The following PPP1R3D variants were observed in gnomAD, a reference collection of about 807,000 sequenced individuals.
The protein encoded by PPP1R3D is PP1 subunit R6.
A neutral mutation model predicts 16.3 loss-of-function variants in PPP1R3D; 27 were observed. The observed-to-expected ratio is 1.66, with a 90% CI of 1.22 to 2.29. The LOEUF (loss-of-function observed/expected upper bound fraction) is 2.29. Among genes scored for constraint, PPP1R3D ranks in the 30% most tolerant of loss-of-function variants. PPP1R3D has a pLI of 0.00. For missense variants in PPP1R3D, 472 were observed against 438.3 expected (o/e 1.08, Z -0.69); for synonymous variants, 223 against 209.7 (o/e 1.06, Z -0.55).
In PPP1R3D at chr20:59,937,592, T is replaced by C. The variant is rs1212074616; in HGVS notation, c.*1440A>G. On this transcript the variant is annotated 3_prime_UTR_variant, in exon 1 of 1. Coordinates refer to ENST00000370996, the MANE Select transcript of PPP1R3D (RefSeq NM_006242.4). ...TTAGAGTTAATTTCTTGGTGACAGG[T>C]AGCATAAAATTGATCAGACTGGTTT... The C allele has an allele frequency of 6.6e-6, 1 of 152,204 alleles. No homozygotes were observed. Among genetic ancestry groups the C allele is most frequent in the Non-Finnish European group, 1.5e-5 (1 of 68,008 alleles). 9.4% of individuals were successfully genotyped at this position (152,204 alleles called of 1,614,324 possible).
rs544890202 is a variant in PPP1R3D at position 59,937,666 on chromosome 20, G to GT, written c.*1365dup. 8,633 of 143,072 alleles carry GT rather than the reference G, an allele frequency of 0.06. 768 individuals carry two copies. Among genetic ancestry groups the GT allele is most frequent in the African/African-American group, 0.19 (7,582 of 39,662 alleles). 8.9% of individuals were successfully genotyped at this position (143,072 alleles called of 1,614,324 possible). Reference sequence around the variant, plus strand: ...ATTGGAGATCTTGTCCTTCCTGGCTGTTTTTTTTTTTTTCCCACACCTTAA... The same window carrying GT: ...ATTGGAGATCTTGTCCTTCCTGGCTGTTTTTTTTTTTTTTCCCACACCTTAA... On this transcript the variant is annotated 3_prime_UTR_variant, in exon 1 of 1. Transcript: ENST00000370996.
At position 59,940,049 on chromosome 20, in the gene PPP1R3D, ACCTCTC is replaced by A; in HGVS notation, c.-124_-119del. Reference sequence around the variant, plus strand: ...CCACCGTATCTGCAACCTGCGGGGGACCTCTCGGGCCCGGTGCGCCCTACCCTTGGT... The same window carrying A: ...CCACCGTATCTGCAACCTGCGGGGGAGGGCCCGGTGCGCCCTACCCTTGGT... On this transcript the variant is annotated 5_prime_UTR_variant, in exon 1 of 1. Transcript: ENST00000370996. 1.1e-6 allele frequency: 1 copy of A among 878,612 alleles called. No homozygotes were observed. The highest frequency in any genetic ancestry group is 1.5e-6 in the Non-Finnish European group (1 of 653,972). 54.4% of individuals were successfully genotyped at this position (878,612 alleles called of 1,614,324 possible). A position where few individuals can be genotyped will look rare whatever the true frequency, so the allele number is the denominator to read the frequency against.
chr20:59,939,687 C>G lies in PPP1R3D; in HGVS notation c.245G>C (p.Arg82Pro). ...GCCCGGCGCGCCCGCGGCCTTCTGG[C>G]GGCGCTCGGGGGAGCTGGGCAGTGA... ...ARSLPSSPER[R>P]QKAAGAPGAA... The change falls in exon 1 of 1, where the codon CGC becomes CCC. Residue 82 changes from arginine (R) to proline (P), a missense_variant. By Grantham distance (103) the Arg-to-Pro change is moderately radical. Transcript: ENST00000370996. The G allele has an allele frequency of 1.4e-6, 2 of 1,429,032 alleles. No individual in the cohort carries two copies. The highest frequency in any genetic ancestry group is 1.8e-6 in the Non-Finnish European group (2 of 1,098,388). The allele number at this position is 1,429,032 out of a possible 1,614,324, so 88.5% of individuals were successfully genotyped here.
In PPP1R3D at chr20:59,939,670, C is replaced by G. The variant is rs781129324; in HGVS notation, c.262G>C (p.Ala88Pro). 2.7e-6 allele frequency: 4 copies of G among 1,462,690 alleles called. No individual in the cohort carries two copies. Among genetic ancestry groups the G allele is most frequent in the East Asian group, 5.6e-5 (2 of 35,918 alleles). The allele number at this position is 1,462,690 out of a possible 1,614,324, so 90.6% of individuals were successfully genotyped here. Residue 88 changes from alanine (A) to proline (P), a missense_variant, in exon 1 of 1, where the codon GCG (alanine) becomes CCG (proline). Coordinates refer to ENST00000370996, the MANE Select transcript of PPP1R3D (RefSeq NM_006242.4). The stretch of plus-strand genomic sequence containing the variant: ...CCCGGCCGACACGCAGCGCCCGGCG[C>G]GCCCGCGGCCTTCTGGCGGCGCTCG... ...SPERRQKAAG[A>P]PGAACRPGCS...
At position 59,939,697 on chromosome 20, in the gene PPP1R3D, G is replaced by T; in HGVS notation, c.235C>A (p.Pro79Thr). The stretch of plus-strand genomic sequence containing the variant: ...CCCGCGGCCTTCTGGCGGCGCTCGG[G>T]GGAGCTGGGCAGTGAGCGCGCCCGC... ...LRRARSLPSS[P>T]ERRQKAAGAP... Residue 79 changes from proline (P) to threonine (T), a missense_variant, in exon 1 of 1, where the codon CCC becomes ACC. Physicochemically the swap from Pro to Thr is conservative, Grantham distance 38. Coordinates refer to ENST00000370996, the MANE Select transcript of PPP1R3D (RefSeq NM_006242.4). The T allele has an allele frequency of 7.1e-7, 1 of 1,409,154 alleles. No individual in the cohort carries two copies. The highest frequency in any genetic ancestry group is 1.6e-5 in the South Asian group (1 of 63,746). The allele number at this position is 1,409,154 out of a possible 1,614,324, so 87.3% of individuals were successfully genotyped here.
rs983723237 is a variant in PPP1R3D, at chr20:59,937,087, A to C, written c.*1945T>G. ...TTTAAAAGGCACGGGAGGTTCACTT[A>C]ATATTAAATATATAACATTCACTTT... is the stretch of plus-strand genomic sequence containing the variant. On this transcript the variant is annotated 3_prime_UTR_variant, in exon 1 of 1. Coordinates refer to ENST00000370996, the MANE Select transcript of PPP1R3D (RefSeq NM_006242.4). 1 of 152,662 alleles carries C rather than the reference A, an allele frequency of 6.6e-6. No individual in the cohort carries two copies. The highest frequency in any genetic ancestry group is 1.5e-5 in the Non-Finnish European group (1 of 68,042). The allele number at this position is 152,662 out of a possible 1,614,324, so 9.5% of individuals were successfully genotyped here.
rs1257656978 is a variant in PPP1R3D at position 59,939,719 on chromosome 20, C to A, written c.213G>T (p.Arg71=). The A allele has an allele frequency of 3.0e-5, 39 of 1,316,412 alleles. No individual in the cohort carries two copies. The highest frequency in any genetic ancestry group is 3.4e-5 in the Non-Finnish European group (35 of 1,039,022). 81.5% of individuals were successfully genotyped at this position (1,316,412 alleles called of 1,614,324 possible). The part of the protein sequence containing the change: ...DPRLRPIILR[R]ARSLPSSPER... ...CGGGGGAGCTGGGCAGTGAGCGCGC[C>A]CGCCGCAGGATGATGGGCCGCAGGC... Residue 71 remains arginine (R), a synonymous_variant, in exon 1 of 1, where the codon CGG becomes CGT. Transcript: ENST00000370996.
In PPP1R3D at chr20:59,939,661, C is replaced by A; in HGVS notation, c.271G>T (p.Ala91Ser). ...RRQKAAGAPG[A>S]ACRPGCSQKL... ...TGGCTGCAGCCCGGCCGACACGCAG[C>A]GCCCGGCGCGCCCGCGGCCTTCTGG... The change falls in exon 1 of 1, where the codon GCT becomes TCT. Residue 91 changes from alanine to serine, a missense_variant. By Grantham distance (99) the Ala-to-Ser change is moderately conservative. Transcript: ENST00000370996. 4.1e-6 allele frequency: 6 copies of A among 1,481,290 alleles called. No individual in the cohort carries two copies. Among genetic ancestry groups the A allele is most frequent in the South Asian group, 2.7e-5 (2 of 75,114 alleles). The allele number at this position is 1,481,290 out of a possible 1,614,324, so 91.8% of individuals were successfully genotyped here.
In PPP1R3D at chr20:59,939,974, A is replaced by G. The variant is rs748957007; in HGVS notation, c.-43T>C. The G allele has an allele frequency of 3.5e-5, 43 of 1,245,260 alleles. 1 individual carries two copies. The highest frequency in any genetic ancestry group is 3.4e-5 in the Non-Finnish European group (34 of 986,280). 77.1% of individuals were successfully genotyped at this position (1,245,260 alleles called of 1,614,324 possible). ...GAAGATGAGGCAGGGATGAGAGACGACCTCCCGACCCCGCGACAGCTCCCT... is the reference window on the plus strand; with the variant it reads ...GAAGATGAGGCAGGGATGAGAGACGGCCTCCCGACCCCGCGACAGCTCCCT... On this transcript the variant is annotated 5_prime_UTR_variant, in exon 1 of 1. Transcript: ENST00000370996.
At position 59,939,100 on chromosome 20, in the gene PPP1R3D, T is replaced by C. The variant is rs1474912969; in HGVS notation, c.832A>G (p.Thr278Ala). The C allele has an allele frequency of 1.3e-6, 2 of 1,597,068 alleles. No individual in the cohort carries two copies. Among genetic ancestry groups the C allele is most frequent in the African/African-American group, 2.7e-5 (2 of 74,416 alleles). ...ATGTGCAGCGCGTGGTTGCGACATG[T>C]GAGGCTGTAGTCTCGGTGGTCGTTG... is the stretch of plus-strand genomic sequence containing the variant. ...DNNDHRDYSL[T>A]CRNHALHMPR... The change falls in exon 1 of 1, where the codon ACA becomes GCA. Residue 278 changes from threonine to alanine, a missense_variant. By Grantham distance (58) the Thr-to-Ala change is moderately conservative (BLOSUM62 0). Coordinates refer to ENST00000370996, the MANE Select transcript of PPP1R3D (RefSeq NM_006242.4).
In PPP1R3D at chr20:59,939,176, G is replaced by A. The variant is rs766731315; in HGVS notation, c.756C>T (p.Arg252=). The A allele has an allele frequency of 6.8e-6, 11 of 1,609,836 alleles. No homozygotes were observed. In the South Asian group the frequency reaches 1.1e-4, roughly 16 times the overall value. Residue 252 remains arginine (R), a synonymous_variant, in exon 1 of 1, where the codon CGC becomes CGT. Transcript: ENST00000370996. ...VPPFLLELGS[R]VHFAVRYQVA... ...CTTGGTAGCGCACCGCGAAGTGCAC[G>A]CGGGAGCCGAGCTCCAGCAGGAAGG...
Position 59,939,362 on chromosome 20 carries a change from G to T in PPP1R3D, c.570C>A (p.Ser190Arg), listed in dbSNP as rs754465409. ...CCACGTTGCACACGCGCACCGTACCGCTGATGCCAAGGTCCGAGCAAGTGA... is the reference window on the plus strand; with the variant it reads ...CCACGTTGCACACGCGCACCGTACCTCTGATGCCAAGGTCCGAGCAAGTGA... Reference protein sequence around the residue: ...ERVTCSDLGISGTVRVCNVAF... With the variant: ...ERVTCSDLGIRGTVRVCNVAF... Residue 190 changes from serine to arginine, a missense_variant, in exon 1 of 1, where the codon AGC (serine) becomes AGA (arginine). Physicochemically the swap from Ser to Arg is moderately radical, Grantham distance 110. Coordinates refer to ENST00000370996, the MANE Select transcript of PPP1R3D (RefSeq NM_006242.4). 4 of 1,610,572 alleles carry T rather than the reference G, an allele frequency of 2.5e-6. No homozygotes were observed.
In PPP1R3D at chr20:59,939,302, G is replaced by C; in HGVS notation, c.630C>G (p.Phe210Leu). 4.3e-6 allele frequency: 7 copies of C among 1,612,268 alleles called. No homozygotes were observed. The highest frequency in any genetic ancestry group is 5.9e-6 in the Non-Finnish European group (7 of 1,179,804). The stretch of plus-strand genomic sequence containing the variant: ...CCTCGTGGGTACTGCGCCAGCCCGA[G>C]AAAGTGTAGCGCACAGCCACCTGCT... ...FEKQVAVRYT[F>L]SGWRSTHEAV... Residue 210 changes from phenylalanine to leucine, a missense_variant, in exon 1 of 1, where the codon TTC (phenylalanine) becomes TTG (leucine). Physicochemically the swap from Phe to Leu is conservative, Grantham distance 22. Transcript: ENST00000370996.
rs149736385 is a variant in PPP1R3D at position 59,939,439 on chromosome 20, C to T, written c.493G>A (p.Ala165Thr). ...TGCAGGCGCTCGCCAAAGTCGGCGG[C>T]CTCGACGGGCGGCGGGAAATCGGGC... ...LVPDFPPPVE[A>T]ADFGERLQRQ... Residue 165 changes from alanine to threonine, a missense_variant, in exon 1 of 1, where the codon GCC (alanine) becomes ACC (threonine). Transcript: ENST00000370996. 2.6e-3 allele frequency: 4,124 copies of T among 1,611,518 alleles called. 13 individuals are homozygous for T. Among genetic ancestry groups the T allele is most frequent in the Middle Eastern group, 0.01 (61 of 6,060 alleles).
Position 59,939,017 on chromosome 20 carries a change from C to T in PPP1R3D, c.*15G>A, listed in dbSNP as rs748065432. On this transcript the variant is annotated 3_prime_UTR_variant, in exon 1 of 1. Coordinates refer to ENST00000370996, the MANE Select transcript of PPP1R3D (RefSeq NM_006242.4). ...CTTAGGTGTGGAGGCTCCAGGTGGC[C>T]GGTCCCCGCGCGGCTCAGATGAAGT... 3 of 1,493,430 alleles carry T rather than the reference C, an allele frequency of 2.0e-6. No individual in the cohort carries two copies. Among genetic ancestry groups the T allele is most frequent in the East Asian group, 2.4e-5 (1 of 41,936 alleles). The allele number at this position is 1,493,430 out of a possible 1,614,324, so 92.5% of individuals were successfully genotyped here. A position where few individuals can be genotyped will look rare whatever the true frequency, so the allele number is the denominator to read the frequency against.
Position 59,939,096 on chromosome 20 carries a change from C to T in PPP1R3D, c.836G>A (p.Cys279Tyr), listed in dbSNP as rs746447259. The change falls in exon 1 of 1, where the codon TGT becomes TAT. Residue 279 changes from cysteine (C) to tyrosine (Y), a missense_variant. Cys to Tyr is a radical substitution (Grantham distance 194, BLOSUM62 -2). Transcript: ENST00000370996. The stretch of plus-strand genomic sequence containing the variant: ...AGGCATGTGCAGCGCGTGGTTGCGA[C>T]ATGTGAGGCTGTAGTCTCGGTGGTC... ...NNDHRDYSLT[C>Y]RNHALHMPRG... is the part of the protein sequence containing the mutation. The T allele has an allele frequency of 4.4e-6, 7 of 1,595,462 alleles. No individual in the cohort carries two copies. Among genetic ancestry groups the T allele is most frequent in the Admixed American group, 3.4e-5 (2 of 58,472 alleles).
At position 59,939,026 on chromosome 20, in the gene PPP1R3D, C is replaced by A; in HGVS notation, c.*6G>T. On this transcript the variant is annotated 3_prime_UTR_variant, in exon 1 of 1. Transcript: ENST00000370996. Reference sequence around the variant, plus strand: ...GGAGGCTCCAGGTGGCCGGTCCCCGCGCGGCTCAGATGAAGTGGATCCAGC... The same window carrying A: ...GGAGGCTCCAGGTGGCCGGTCCCCGAGCGGCTCAGATGAAGTGGATCCAGC... 2.0e-6 allele frequency: 3 copies of A among 1,510,838 alleles called. No homozygotes were observed. Among genetic ancestry groups the A allele is most frequent in the South Asian group, 2.5e-5 (2 of 79,036 alleles). 93.6% of individuals were successfully genotyped at this position (1,510,838 alleles called of 1,614,324 possible).
rs751181284 is a variant in PPP1R3D at position 59,939,223 on chromosome 20, T to A, written c.709A>T (p.Thr237Ser). 6.8e-6 allele frequency: 11 copies of A among 1,610,608 alleles called. No homozygotes were observed. Among genetic ancestry groups the A allele is most frequent in the East Asian group, 2.2e-5 (1 of 44,670 alleles). The change falls in exon 1 of 1, where the codon ACC becomes TCC. Residue 237 changes from threonine to serine, a missense_variant. Physicochemically the swap from Thr to Ser is moderately conservative, Grantham distance 58. Coordinates refer to ENST00000370996, the MANE Select transcript of PPP1R3D (RefSeq NM_006242.4). Reference sequence around the variant, plus strand: ...AAGGGCGGTACTGGAAAGCCGAAGGTGAAAACGTCCTCCGTGCCCTCGGGG... The same window carrying A: ...AAGGGCGGTACTGGAAAGCCGAAGGAGAAAACGTCCTCCGTGCCCTCGGGG... ...AGPEGTEDVF[T>S]FGFPVPPFLL...
Position 59,938,472 on chromosome 20 carries a change from G to A in PPP1R3D, c.*560C>T, listed in dbSNP as rs1321056396. ...CTACAGCCGTTGGCAATCAGATGTG[G>A]GCTCAGGTTTTCCTTATCCTGGGGC... On this transcript the variant is annotated 3_prime_UTR_variant, in exon 1 of 1. Transcript: ENST00000370996. 2.6e-5 allele frequency: 4 copies of A among 152,552 alleles called. No individual in the cohort carries two copies. The highest frequency in any genetic ancestry group is 9.6e-5 in the African/African-American group (4 of 41,562). 9.4% of individuals were successfully genotyped at this position (152,552 alleles called of 1,614,324 possible).
Sources: gnomAD v4.1 joint callset for allele counts on GRCh38, gnomAD v4.1.1 for gene constraint, MANE v1.5 for transcripts, NCBI Gene and HGNC (gene_info 2026-07-23, HGNC 2026-07-21) for gene names.